The following GNB4 variants were observed in gnomAD, a reference collection of about 807,000 sequenced individuals.
GNB4 encodes the protein G protein subunit beta 4.
A neutral mutation model predicts 45.2 loss-of-function variants in GNB4; 28 were observed. That is an observed-to-expected ratio of 0.62 (90% CI 0.46 to 0.85). The LOEUF is 0.85. Ranked by LOEUF, GNB4 falls within the 40% of genes least tolerant of loss-of-function variation. GNB4 has a pLI of 0.00. For missense variants in GNB4, 321 were observed against 425.4 expected, an observed-to-expected ratio of 0.75 and a Z score of 2.16; for synonymous variants, 132 against 143.7, an observed-to-expected ratio of 0.92 and a Z score of 0.58.
At chr3:179,452,433 T>G (rs886410420), upstream of GNB4, 2 of 152,152 alleles carry the variant, frequency 1.3e-5, no homozygotes, top group African/African-American at 4.8e-5. Flanking sequence ...CAGCCCTGGG[T>G]AGCGAAAACT....
the GNB4 span, among the ~76,000 whole-genome samples, chr3:179,498,752 T>G: frequency 5.0e-3 from 718 of 143,292 alleles, 5 homozygotes; most frequent in African/African-American, 0.019. Context: ...AGGTTTGGTT[T>G]TTTTTTTTTT....
upstream of GNB4, among the ~76,000 whole-genome samples, chr3:179,453,100 T>C (rs114041091): frequency 5.6e-3 from 852 of 152,306 alleles, 9 homozygotes; most frequent in African/African-American, 0.019. Flanking sequence ...CTGCATGACA[T>C]CAGATTGGAT....
rs1393724224 is a variant in GNB4 at position 179,413,458 on chromosome 3, C to CACA, written c.650_652dup (p.Met217_Cys218insLeu). The CACA allele has an allele frequency of 6.2e-7, 1 of 1,613,982 alleles. No individual in the cohort carries two copies. Among genetic ancestry groups the CACA allele is most frequent in the Non-Finnish European group, 8.5e-7 (1 of 1,179,982 alleles). On this transcript the variant is annotated inframe_insertion, in exon 8 of 10. Coordinates refer to ENST00000232564, the MANE Select transcript of GNB4 (RefSeq NM_021629.4). ...GACATGTCCCGTGAAAGACTGTCTACACATTCCATCTCGAATATCCCATAA... is the reference window on the plus strand; with the variant it reads ...GACATGTCCCGTGAAAGACTGTCTACACAACATTCCATCTCGAATATCCCATAA...
At chr3:179,404,466 C>G (rs540736720) in intron 9 of GNB4, among the ~76,000 whole-genome samples, 4 of 152,154 alleles carry the variant, frequency 2.6e-5, no homozygotes, top group African/African-American at 9.6e-5. Flanking sequence ...CCCAGCTACT[C>G]CAGAGGCTGA....
At chr3:179,512,562 G>T in the GNB4 span, among the ~76,000 whole-genome samples, 649 of 152,260 alleles carry the variant, frequency 4.3e-3, 2 homozygotes, top group Middle Eastern at 0.017. Context: ...TTGAGAATCT[G>T]TTCCCTGAAT....
chr3:179,490,536 G>C, the GNB4 span, among the ~76,000 whole-genome samples: 1 of 152,122 alleles, frequency 6.6e-6, no homozygotes, highest in African/African-American at 2.4e-5. Flanking sequence ...GGAGACCCTG[G>C]AATGTCAGTA....
At chr3:179,454,118 T>C (rs1027787943), upstream of GNB4, among the ~76,000 whole-genome samples, 1 of 152,224 alleles carries the variant, frequency 6.6e-6, no homozygotes, top group Non-Finnish European at 1.5e-5. Flanking sequence ...ATTGTAGAGA[T>C]GTATCCTACT....
intron 2 of GNB4, among the ~76,000 whole-genome samples, chr3:179,425,618 G>A (rs62408895): frequency 5.8e-4 from 9 of 15,514 alleles, no homozygotes; most frequent in African/African-American, 1.2e-3. Context: ...TTACAGGTGT[G>A]CACCACCACG....
At chr3:179,501,049 C>G in the GNB4 span, among the ~76,000 whole-genome samples, 8 of 152,286 alleles carry the variant, frequency 5.3e-5, no homozygotes, top group African/African-American at 1.9e-4. Flanking sequence ...AAGTGACTCT[C>G]TCAGTTGAGT....
chr3:179,400,490 C>T lies in GNB4; in HGVS notation c.*723G>A, dbSNP rs540897607. On this transcript the variant is annotated 3_prime_UTR_variant, in exon 10 of 10. Transcript: ENST00000232564. ...AACCAGGCTTTTAAAATGTCAAGAA[C>T]CATTTATATGCTATTACCTACTTTT... The T allele has an allele frequency of 3.3e-5, 5 of 152,270 alleles. No individual in the cohort carries two copies. In the South Asian group the frequency reaches 1.0e-3, roughly 32 times the overall value. 9.4% of individuals were successfully genotyped at this position (152,270 alleles called of 1,614,324 possible).
the GNB4 span, among the ~76,000 whole-genome samples, chr3:179,518,904 CA>C: frequency 1.6e-4 from 25 of 152,130 alleles, no homozygotes; most frequent in Non-Finnish European, 3.5e-4. Context: ...AATAAAGCTC[CA>C]AAAATTAAAT....
Position 179,399,770 on chromosome 3 carries a change from GTAAC to G in GNB4, c.*1439_*1442del, listed in dbSNP as rs1310800055. ...AAGTTAACACAGACCTATCTGAAAA[GTAAC>G]TAAGTTACAAAACAATGCACGTCTA... is the stretch of plus-strand genomic sequence containing the variant. On this transcript the variant is annotated 3_prime_UTR_variant, in exon 10 of 10. Transcript: ENST00000232564. The G allele has an allele frequency of 1.3e-5, 2 of 152,126 alleles. No individual in the cohort carries two copies. Among genetic ancestry groups the G allele is most frequent in the Admixed American group, 6.6e-5 (1 of 15,252 alleles). 9.4% of individuals were successfully genotyped at this position (152,126 alleles called of 1,614,324 possible).
chr3:179,501,828 T>C, the GNB4 span, among the ~76,000 whole-genome samples: 1 of 152,242 alleles, frequency 6.6e-6, no homozygotes, highest in Non-Finnish European at 1.5e-5. Flanking sequence ...TTTCTCTATC[T>C]TTAAGAAGTT....
At chr3:179,424,783 TTG>T (rs1286785549) in intron 2 of GNB4, among the ~76,000 whole-genome samples, 2 of 152,080 alleles carry the variant, frequency 1.3e-5, no homozygotes, top group Non-Finnish European at 2.9e-5. Flanking sequence ...GTTTTTTTGT[TTG>T]TTTTTGTAGA....
chr3:179,447,264 AAG>A (rs1715757039), intron 1 of GNB4, among the ~76,000 whole-genome samples: 2 of 151,698 alleles, frequency 1.3e-5, no homozygotes, highest in Admixed American at 6.6e-5. Context: ...GCGAGGCTGG[AAG>A]AGAGTGAGCA....
At position 179,413,537 on chromosome 3, in the gene GNB4, A is replaced by T. The variant is rs556759178; in HGVS notation, c.574T>A (p.Leu192Met). ...ACAAAAGTCCTCATGTCAGGACTCA[A>T]AGAAAGACTCATCACATCTCCAGAA... ...GHSGDVMSLS[L>M]SPDMRTFVSG... The change falls in exon 8 of 10, where the codon TTG (leucine) becomes ATG (methionine). Residue 192 changes from leucine (L) to methionine (M), a missense_variant. Physicochemically the swap from Leu to Met is conservative, Grantham distance 15. Coordinates refer to ENST00000232564, the MANE Select transcript of GNB4 (RefSeq NM_021629.4). 1.4e-5 allele frequency: 22 copies of T among 1,614,102 alleles called. No homozygotes were observed. The highest frequency in any genetic ancestry group is 1.8e-5 in the Non-Finnish European group (21 of 1,179,960).
intron 2 of GNB4, among the ~76,000 whole-genome samples, chr3:179,424,765 C>A (rs544153345): frequency 1.3e-5 from 2 of 152,220 alleles, no homozygotes; most frequent in East Asian, 3.9e-4. Context: ...CCACCACACC[C>A]GGCTAACGTT....
At chr3:179,498,005 G>C in the GNB4 span, among the ~76,000 whole-genome samples, 1 of 152,168 alleles carries the variant, frequency 6.6e-6, no homozygotes, top group South Asian at 2.1e-4. Context: ...AAATTAAAAA[G>C]AGAACTACCT....
chr3:179,467,190 A>G, the GNB4 span, among the ~76,000 whole-genome samples: 34 of 152,092 alleles, frequency 2.2e-4, no homozygotes, highest in Admixed American at 6.6e-4. Context: ...AGTTTTAAAC[A>G]TTTGTTTAGA....
Sources: gnomAD v4.1 joint callset for allele counts (sites outside exome capture counted in the v4.1 genomes callset) on GRCh38, gnomAD v4.1.1 for gene constraint, MANE v1.5 for transcripts, NCBI Gene and HGNC (gene_info 2026-07-23, HGNC 2026-07-21) for gene names.